SPRY3: variants seen among roughly 807,000 people sequenced by gnomAD.
The protein encoded by SPRY3 is protein sprouty homolog 3.
SPRY3 carries 15 observed loss-of-function variants against 20.2 expected under a neutral mutation model. That is an observed-to-expected ratio of 0.74 (90% CI 0.50 to 1.14). The LOEUF (loss-of-function observed/expected upper bound fraction) is 1.14. Among genes scored for constraint, SPRY3 ranks in the 50% most tolerant of loss-of-function variants. The pLI, the probability that SPRY3 is intolerant of heterozygous loss-of-function variation, is 0.00. For synonymous variants in SPRY3, 143 were observed against 136.5 expected, an observed-to-expected ratio of 1.05 and a Z score of -0.33; for missense variants, 364 against 363.9, an observed-to-expected ratio of 1.00 and a Z score of 0.00.
intron 2 of SPRY3, among the ~76,000 whole-genome samples, chrX:155,726,038 C>G (rs979014384): frequency 6.6e-6 from 1 of 152,136 alleles, no homozygotes; most frequent in Non-Finnish European, 1.5e-5. Context: ...TCATTGATTT[C>G]AAAGAACATC....
At chrX:155,758,169 CCTA>C (rs1216117440) in intron 2 of SPRY3, among the ~76,000 whole-genome samples, 4 of 152,170 alleles carry the variant, frequency 2.6e-5, no homozygotes, top group African/African-American at 9.7e-5. Context: ...GTATTGATAA[CCTA>C]CTACATGGCA....
At chrX:155,697,500 T>TACACACAC (rs35884004) in intron 2 of SPRY3, among the ~76,000 whole-genome samples, 21 of 96,674 alleles carry the variant, frequency 2.2e-4, no homozygotes, top group African/African-American at 5.2e-4. Flanking sequence ...ATTATACACA[T>TACACACAC]ACACACACAC....
chrX:155,661,892 G>GT (rs2068010926), intron 2 of SPRY3, among the ~76,000 whole-genome samples: 1 of 110,795 alleles, frequency 9.0e-6, no homozygotes, highest in Middle Eastern at 4.7e-3. Flanking sequence ...GTTCTGTATG[G>GT]GTTTTTAAAA....
chrX:155,647,750 A>T (rs1337339180), intron 1 of SPRY3, among the ~76,000 whole-genome samples: 1 of 112,096 alleles, frequency 8.9e-6, no homozygotes, highest in Admixed American at 9.4e-5. Flanking sequence ...TATTGTGAAT[A>T]GCGCTGCATT....
chrX:155,736,823 A>G, intron 2 of SPRY3, among the ~76,000 whole-genome samples: 1 of 151,920 alleles, frequency 6.6e-6, no homozygotes, highest in East Asian at 1.9e-4. Context: ...TGGGATTCCT[A>G]TTACATGTAT....
chrX:155,767,450 T>C (rs1447372181), intron 2 of SPRY3, among the ~76,000 whole-genome samples: 1 of 151,966 alleles, frequency 6.6e-6, no homozygotes, highest in African/African-American at 2.4e-5. Flanking sequence ...TATCTATTGC[T>C]CCGTTGAGAT....
intron 2 of SPRY3, among the ~76,000 whole-genome samples, chrX:155,697,520 C>T (rs201542513): frequency 4.9e-5 from 4 of 80,920 alleles, no homozygotes; most frequent in Non-Finnish European, 9.5e-5. Context: ...CACACACACA[C>T]ACATATATAT....
intron 2 of SPRY3, among the ~76,000 whole-genome samples, chrX:155,683,975 A>T (rs995534489): frequency 1.8e-5 from 2 of 110,768 alleles, no homozygotes; most frequent in Middle Eastern, 9.2e-3. Flanking sequence ...TCAGGAGGAC[A>T]TGGGCAGCCC....
intron 3 of SPRY3, among the ~76,000 whole-genome samples, chrX:155,773,086 A>G (rs1342166366): frequency 6.6e-6 from 1 of 151,856 alleles, no homozygotes; most frequent in Non-Finnish European, 1.5e-5. Flanking sequence ...GGTGAAGAGA[A>G]CTGCAAGATG....
In SPRY3 at chrX:155,682,641, C is replaced by T. The variant is rs780284495; in HGVS notation, c.-282+25616C>T. On this transcript the variant is annotated intron_variant, in intron 2 of 3. Transcript: ENST00000675360. ...GCTCAAGTGATCCTCCTGCCTCAGC[C>T]TCCTGAGTATCTGGGACTACAGATG... Among the ~76,000 whole-genome samples the T allele has an allele frequency of 4.5e-5, 5 of 112,051 alleles. No homozygotes were observed. In the South Asian group the frequency reaches 1.1e-3, roughly 25 times the overall value.
At chrX:155,671,549 T>C (rs782062791) in intron 2 of SPRY3, among the ~76,000 whole-genome samples, 1 of 111,342 alleles carries the variant, frequency 9.0e-6, no homozygotes, top group African/African-American at 3.3e-5. Context: ...CAGATAGCCA[T>C]AGTGTCTCCA....
At chrX:155,631,564 T>C (rs1230220103) in intron 1 of SPRY3, among the ~76,000 whole-genome samples, 1 of 112,369 alleles carries the variant, frequency 8.9e-6, no homozygotes. Flanking sequence ...TTCCCATCAA[T>C]GGTGTATAAG....
intron 3 of SPRY3, among the ~76,000 whole-genome samples, chrX:155,771,581 C>T (rs1278665179): frequency 6.6e-6 from 1 of 152,172 alleles, no homozygotes; most frequent in Non-Finnish European, 1.5e-5. Flanking sequence ...ATCAATGGGA[C>T]ATAAATCTAT....
intron 1 of SPRY3, among the ~76,000 whole-genome samples, chrX:155,624,345 CA>C (rs1285681828): frequency 1.8e-5 from 2 of 111,607 alleles, no homozygotes; most frequent in Non-Finnish European, 3.8e-5. Flanking sequence ...AATCTTTTAA[CA>C]AAATTGTTAT....
intron 2 of SPRY3, among the ~76,000 whole-genome samples, chrX:155,722,834 G>C (rs866569468): frequency 6.6e-6 from 1 of 152,010 alleles, no homozygotes; most frequent in South Asian, 2.1e-4. Flanking sequence ...TGCACAACGT[G>C]AGGTTTGTTA....
At chrX:155,749,004 A>G (rs762417592) in intron 2 of SPRY3, among the ~76,000 whole-genome samples, 2 of 152,050 alleles carry the variant, frequency 1.3e-5, no homozygotes, top group African/African-American at 4.8e-5. Flanking sequence ...AAGAAATAGT[A>G]TGTGGAGAAA....
intron 2 of SPRY3, among the ~76,000 whole-genome samples, chrX:155,681,645 G>A (rs1380196092): frequency 2.7e-5 from 3 of 112,359 alleles, no homozygotes; most frequent in Non-Finnish European, 5.6e-5. Flanking sequence ...CCACTTTCCT[G>A]AATACATGAA....
At chrX:155,767,768 AGGAGAAAGAGGAGGAGGT>A (rs1185771927) in intron 2 of SPRY3, 176 bp from the exon 2 acceptor site, 1 of 132,192 alleles carries the variant, frequency 7.6e-6, no homozygotes, top group Non-Finnish European at 1.5e-5. Context: ...GAGGAGGAGG[AGGAGAAAGAGGAGGAGGT>A]GAACAACTTA....
intron 2 of SPRY3, among the ~76,000 whole-genome samples, chrX:155,708,166 C>T (rs931733403): frequency 5.3e-5 from 8 of 151,230 alleles, no homozygotes; most frequent in South Asian, 4.2e-4. Flanking sequence ...TTTCCTTCAG[C>T]TCAAAGAGTT....
Sources: gnomAD v4.1 joint callset for allele counts (sites outside exome capture counted in the v4.1 genomes callset) on GRCh38, gnomAD v4.1.1 for gene constraint, MANE v1.5 for transcripts, NCBI Gene and HGNC (gene_info 2026-07-23, HGNC 2026-07-21) for gene names.